Variants in NCL observed in about 807,000 individuals in gnomAD.
NCL encodes the protein nucleolin multifunctional protein.
In NCL, 4 loss-of-function variants were observed where a neutral mutation model predicts 77.7. The observed-to-expected ratio is 0.05, with a 90% confidence interval of 0.03 to 0.12. NCL has a LOEUF of 0.12. NCL is among the 10% of genes least tolerant of loss of function. NCL has a pLI of 1.00. For synonymous variants in NCL, 344 were observed against 297.8 expected (o/e 1.16, Z -1.60); for missense variants, 763 against 860.9 (o/e 0.89, Z 1.42).
At chr2:231,459,376 T>C (rs1405009788) in intron 6 of NCL, among the ~76,000 whole-genome samples, 1 of 152,206 alleles carries the variant, frequency 6.6e-6, no homozygotes, top group Non-Finnish European at 1.5e-5. Context: ...GAATTCACAG[T>C]AGCAGCTGAC....
At position 231,460,670 on chromosome 2, in the gene NCL, T is replaced by TTCC. The variant is rs757624075; in HGVS notation, c.807_809dup (p.Glu271dup). On this transcript the variant is annotated inframe_insertion and splice_region_variant, in exon 4 of 14. Coordinates refer to ENST00000322723, the MANE Select transcript of NCL (RefSeq NM_005381.3). Reference sequence around the variant, plus strand: ...TATGTCAGAATCTAATTTAAGTACCTTCCTCCTCCTCTTCTTCCTCCTCCT... The same window carrying TTCC: ...TATGTCAGAATCTAATTTAAGTACCTTCCTCCTCCTCCTCTTCTTCCTCCTCCT... The TTCC allele has an allele frequency of 2.9e-4, 473 of 1,613,608 alleles. No individual in the cohort carries two copies. The highest frequency in any genetic ancestry group is 3.9e-4 in the Non-Finnish European group (461 of 1,179,730).
At position 231,460,390 on chromosome 2, in the gene NCL, T is replaced by C. The variant is rs765985695; in HGVS notation, c.898+88A>G. The stretch of plus-strand genomic sequence containing the variant: ...TACACAGCACATCAGCACACTACAA[T>C]GTAACATCAGGTTTCAGTATTAAGT... On this transcript the variant is annotated intron_variant, in intron 5 of 13. Transcript: ENST00000322723. 7 of 1,591,736 alleles carry C rather than the reference T, an allele frequency of 4.4e-6. No individual in the cohort carries two copies. The Admixed American group carries it at 1.0e-4, about 23-fold the overall frequency.
chr2:231,454,311 A>G lies in NCL; in HGVS notation c.*880T>C, dbSNP rs921654362. The G allele has an allele frequency of 1.3e-5, 2 of 151,800 alleles. No homozygotes were observed. Among genetic ancestry groups the G allele is most frequent in the African/African-American group, 4.9e-5 (2 of 41,234 alleles). The allele number at this position is 151,800 out of a possible 1,614,324, so 9.4% of individuals were successfully genotyped here. A position where few individuals can be genotyped will look rare whatever the true frequency, so the allele number is the denominator to read the frequency against. On this transcript the variant is annotated 3_prime_UTR_variant, in exon 14 of 14. Coordinates refer to ENST00000322723, the MANE Select transcript of NCL (RefSeq NM_005381.3). ...CAGGAGTACACCACCATGCCCAGCT[A>G]ATTTTTGTATTTTTAGTAGAGATGG...
intron 2 of NCL, among the ~76,000 whole-genome samples, chr2:231,462,763 G>A (rs1192623903): frequency 6.6e-6 from 1 of 152,180 alleles, no homozygotes; most frequent in Non-Finnish European, 1.5e-5. Flanking sequence ...CTACACCAGA[G>A]ATAACTATAA....
rs2046921975 is a variant in NCL, at chr2:231,459,138, G to A, written c.1041-13C>T. The A allele has an allele frequency of 1.3e-6, 2 of 1,543,246 alleles. No homozygotes were observed. Among genetic ancestry groups the A allele is most frequent in the African/African-American group, 1.4e-5 (1 of 71,208 alleles). On this transcript the variant is annotated splice_polypyrimidine_tract_variant and intron_variant, in intron 6 of 13. Transcript: ENST00000322723. The stretch of plus-strand genomic sequence containing the variant: ...ATAACCAAATTTCCTTCAAGGTGGA[G>A]AGGAGGGCAAAATTACAACAGGTGA...
In NCL at chr2:231,460,576, G is replaced by A. The variant is rs764956357; in HGVS notation, c.812-12C>T. The A allele has an allele frequency of 2.4e-5, 38 of 1,614,188 alleles. No homozygotes were observed. The East Asian group carries it at 2.7e-4, about 11-fold the overall frequency. On this transcript the variant is annotated splice_polypyrimidine_tract_variant and intron_variant, in intron 4 of 13. Coordinates refer to ENST00000322723, the MANE Select transcript of NCL (RefSeq NM_005381.3). ...TTCTTTGACAGGCTCTGGACAAGATGTCAAACAATGTATCACACATCAGTA... is the reference window on the plus strand; with the variant it reads ...TTCTTTGACAGGCTCTGGACAAGATATCAAACAATGTATCACACATCAGTA...
At chr2:231,463,131 C>T in intron 2 of NCL, 69 bp downstream of exon 2, 6 of 1,174,932 alleles carry the variant, frequency 5.1e-6, no homozygotes, top group Non-Finnish European at 1.2e-6. Context: ...CCACAGATAT[C>T]CAATTTCATG....
Position 231,455,498 on chromosome 2 carries a change from G to A in NCL, c.1959C>T (p.Phe653=), listed in dbSNP as rs762540059. Reference sequence around the variant, plus strand: ...CGCCTCTGCCTCCACCACGACCCCCGAAGCCACCTTCACCCTTAGGTTTGG... The same window carrying A: ...CGCCTCTGCCTCCACCACGACCCCCAAAGCCACCTTCACCCTTAGGTTTGG... ...DWAKPKGEGG[F]GGRGGGRGGF... is the part of the protein sequence containing the mutation. Residue 653 remains phenylalanine, a synonymous_variant, in exon 13 of 14, where the codon TTC becomes TTT. Transcript: ENST00000322723. 11 of 1,614,024 alleles carry A rather than the reference G, an allele frequency of 6.8e-6. No individual in the cohort carries two copies. Among genetic ancestry groups the A allele is most frequent in the African/African-American group, 4.0e-5 (3 of 74,964 alleles).
At chr2:231,457,187 C>T in intron 9 of NCL, 63 bp from the exon 10 acceptor site, 1 of 1,601,436 alleles carries the variant, frequency 6.2e-7, no homozygotes. Context: ...TCGGTCACAA[C>T]AGTAATATCT....
intron 12 of NCL, 179 bp from the exon 13 acceptor site, chr2:231,455,803 T>C (rs1559539895): frequency 8.8e-7 from 1 of 1,129,980 alleles, no homozygotes; most frequent in South Asian, 1.2e-5. Context: ...AACCCCAGAA[T>C]GTCTCACAAT....
chr2:231,457,306 C>T (rs768181946), intron 9 of NCL, 182 bp from the exon 10 acceptor site: 4 of 900,190 alleles, frequency 4.4e-6, no homozygotes, highest in South Asian at 1.4e-5. Flanking sequence ...TTGCAATGTC[C>T]TGCTGGTTGT....
At chr2:231,464,051 A>T in intron 1 of NCL, 1 of 1,210,384 alleles carries the variant, frequency 8.3e-7, no homozygotes, top group South Asian at 2.0e-5. Flanking sequence ...GCGTCGCAAA[A>T]GTTTGGTCTC....
Position 231,455,408 on chromosome 2 carries a change from G to C in NCL, c.2049C>G (p.Gly683=). The change falls in exon 13 of 14, where the codon GGC becomes GGG. Residue 683 remains glycine, a synonymous_variant. Transcript: ENST00000322723. ...TATCTCTGCGTGCCTTACCTCCAAA[G>C]CCTCCCCGGCCTCTGCCACCAAATC... ...RGGFGGRGRG[G]FGGRGGFRGG... 1 of 1,613,952 alleles carries C rather than the reference G, an allele frequency of 6.2e-7. No individual in the cohort carries two copies. Among genetic ancestry groups the C allele is most frequent in the Non-Finnish European group, 8.5e-7 (1 of 1,180,016 alleles).
intron 6 of NCL, 118 bp from the exon 7 acceptor site, chr2:231,459,243 C>T (rs1183803355): frequency 2.8e-5 from 32 of 1,141,846 alleles, no homozygotes; most frequent in Admixed American, 3.6e-5. Flanking sequence ...AAAAGCACCC[C>T]TAGTATTAGC....
At position 231,455,186 on chromosome 2, in the gene NCL, A is replaced by T; in HGVS notation, c.*5T>A. The stretch of plus-strand genomic sequence containing the variant: ...AATGGAAAAGGGAAAGCAGAGGGAC[A>T]GAAGCTATTCAAACTTCGTCTTCTT... On this transcript the variant is annotated 3_prime_UTR_variant, in exon 14 of 14. Transcript: ENST00000322723. 1 of 1,611,492 alleles carries T rather than the reference A, an allele frequency of 6.2e-7. No homozygotes were observed. Among genetic ancestry groups the T allele is most frequent in the Non-Finnish European group, 8.5e-7 (1 of 1,177,714 alleles).
intron 4 of NCL, 40 bp from the exon 5 acceptor site, chr2:231,460,604 C>T: frequency 1.2e-6 from 2 of 1,614,130 alleles, no homozygotes; most frequent in South Asian, 2.2e-5. Flanking sequence ...CATCAGTAGC[C>T]ACAAACACTT....
At chr2:231,458,797 A>T (rs1156662183) in intron 7 of NCL, 9 of 525,220 alleles carry the variant, frequency 1.7e-5, no homozygotes, top group Non-Finnish European at 2.8e-5. Flanking sequence ...TGCCTAACTC[A>T]GGAATTTACA....
intron 3 of NCL, among the ~76,000 whole-genome samples, chr2:231,461,122 T>C (rs939501340): frequency 2.6e-5 from 4 of 151,876 alleles, no homozygotes; most frequent in African/African-American, 9.7e-5. Context: ...CTACTAAAAA[T>C]ACAAAAATTA....
intron 12 of NCL, 39 bp from the exon 13 acceptor site, chr2:231,455,663 C>G: frequency 6.3e-7 from 1 of 1,595,546 alleles, no homozygotes; most frequent in Non-Finnish European, 8.6e-7. Context: ...TAAAAAGCAC[C>G]TACTACACAT....
Sources: gnomAD v4.1 joint callset for allele counts (sites outside exome capture counted in the v4.1 genomes callset) on GRCh38, gnomAD v4.1.1 for gene constraint, MANE v1.5 for transcripts, NCBI Gene and HGNC (gene_info 2026-07-23, HGNC 2026-07-21) for gene names.